GBF1: variants seen among roughly 807,000 people sequenced by gnomAD.
The protein encoded by GBF1 is Golgi-specific brefeldin A-resistance guanine nucleotide exchange factor 1.
In GBF1, 114 loss-of-function variants were observed where a neutral mutation model predicts 210.5. The ratio of observed to expected loss-of-function variants is 0.54; its 90% CI spans 0.47 to 0.63. The LOEUF is 0.63. Among genes scored for constraint, GBF1 ranks in the 30% least tolerant of loss-of-function variants. The pLI, the probability that GBF1 is intolerant of heterozygous loss-of-function variation, is 0.00. For synonymous variants in GBF1, 850 were observed against 889.2 expected (o/e 0.96, Z 0.78); for missense variants, 1,851 against 2,357.7 (o/e 0.79, Z 4.45).
intron 3 of GBF1, among the ~76,000 whole-genome samples, chr10:102,272,481 A>C (rs2074543455): frequency 6.6e-6 from 1 of 151,940 alleles, no homozygotes; most frequent in East Asian, 1.9e-4. Context: ...AAATACGTTA[A>C]TTTTTCTTTT....
intron 3 of GBF1, among the ~76,000 whole-genome samples, chr10:102,315,826 A>C (rs1701942709): frequency 6.6e-6 from 1 of 152,140 alleles, no homozygotes; most frequent in Admixed American, 6.5e-5. Flanking sequence ...AAAGCAAAGA[A>C]GCCTTGTCCC....
chr10:102,232,030 C>T, the GBF1 span: 3 of 1,607,860 alleles, frequency 1.9e-6, no homozygotes, highest in East Asian at 2.2e-5. Flanking sequence ...CGTCTGACAG[C>T]GACAGGGCAG....
intron 24 of GBF1, 26 bp downstream of exon 24, chr10:102,369,413 G>A: frequency 6.4e-7 from 1 of 1,568,602 alleles, no homozygotes; most frequent in African/African-American, 1.3e-5. Flanking sequence ...AGACTAGTGA[G>A]CGATAACAAG....
chr10:102,319,728 C>CTTT (rs546103797), intron 3 of GBF1, among the ~76,000 whole-genome samples: 7 of 133,230 alleles, frequency 5.3e-5, no homozygotes, highest in African/African-American at 1.1e-4. Context: ...CTTTTTCTTT[C>CTTT]TTTTTTTTTT....
intron 3 of GBF1, among the ~76,000 whole-genome samples, chr10:102,313,085 G>A (rs2078620521): frequency 6.6e-6 from 1 of 152,136 alleles, no homozygotes; most frequent in South Asian, 2.1e-4. Flanking sequence ...AGTTCTGAAT[G>A]GGAACTCCAG....
chr10:102,376,609 G>A lies in GBF1; in HGVS notation c.4097G>A (p.Gly1366Asp), dbSNP rs2060510916. Reference sequence around the variant, plus strand: ...TCCAAGCCAGGGCCCAGCCGCCCAGGCCCTTCACCCCTGATCAATCAATAC... The same window carrying A: ...TCCAAGCCAGGGCCCAGCCGCCCAGACCCTTCACCCCTGATCAATCAATAC... ...DNSKPGPSRP[G>D]PSPLINQYSL... Residue 1366 changes from glycine (G) to aspartate (D), a missense_variant, in exon 32 of 40, where the codon GGC becomes GAC. Physicochemically the swap from Gly to Asp is moderately conservative, Grantham distance 94 (BLOSUM62 -1). Around this residue, in one of 3 missense-constraint regions of GBF1, gnomAD observed 967 missense variants for 1,247.7 expected, o/e 0.78. Coordinates refer to ENST00000369983, the MANE Select transcript of GBF1 (RefSeq NM_001377137.1). The A allele has an allele frequency of 6.2e-7, 1 of 1,613,706 alleles. No individual in the cohort carries two copies. Among genetic ancestry groups the A allele is most frequent in the Non-Finnish European group, 8.5e-7 (1 of 1,179,766 alleles).
chr10:102,319,678 T>TATG (rs2056205643), intron 3 of GBF1, among the ~76,000 whole-genome samples: 1 of 151,896 alleles, frequency 6.6e-6, no homozygotes, highest in Non-Finnish European at 1.5e-5. Flanking sequence ...ATCTCCTTTT[T>TATG]CTTGTTTATG....
chr10:102,238,517 T>C, the GBF1 span, among the ~76,000 whole-genome samples: 5 of 152,214 alleles, frequency 3.3e-5, no homozygotes, highest in East Asian at 3.8e-4. Flanking sequence ...GGGTGGCCCG[T>C]CTGTCATTAA....
chr10:102,375,456 C>G lies in GBF1; in HGVS notation c.3758C>G (p.Thr1253Ser). ...TATGGGCTCCATGAACTCCTGAAGA[C>G]CAATGCAGCCAACATCCACTCAGGT... ...VAYGLHELLK[T>S]NAANIHSGDD... Residue 1253 changes from threonine (T) to serine (S), a missense_variant, in exon 30 of 40, where the codon ACC (threonine) becomes AGC (serine). Physicochemically the swap from Thr to Ser is moderately conservative, Grantham distance 58. This residue lies in a region of GBF1 where 967 missense variants were observed against 1,247.7 expected (regional missense o/e 0.78). Coordinates refer to ENST00000369983, the MANE Select transcript of GBF1 (RefSeq NM_001377137.1). The G allele has an allele frequency of 1.2e-6, 2 of 1,613,208 alleles. No individual in the cohort carries two copies. The highest frequency in any genetic ancestry group is 3.3e-5 in the Admixed American group (2 of 60,016).
chr10:102,257,677 C>T (rs1232264674), intron 1 of GBF1, among the ~76,000 whole-genome samples: 1 of 152,110 alleles, frequency 6.6e-6, no homozygotes, highest in Non-Finnish European at 1.5e-5. Flanking sequence ...CTTCCAACAA[C>T]CTTTATTCTT....
intron 1 of GBF1, among the ~76,000 whole-genome samples, chr10:102,252,584 C>T (rs2071702505): frequency 6.6e-6 from 1 of 152,118 alleles, no homozygotes. Context: ...TGGCCCACAC[C>T]TATAATCCCA....
intron 4 of GBF1, 110 bp from the exon 5 acceptor site, chr10:102,351,146 G>C (rs528326836): frequency 8.0e-6 from 5 of 625,486 alleles, no homozygotes; most frequent in African/African-American, 1.9e-5. Context: ...AAGGAGCCAC[G>C]GGTTAGGGAA....
At chr10:102,368,478 T>G (rs1223853196) in intron 22 of GBF1, 24 bp downstream of exon 22, 1 of 1,258,116 alleles carries the variant, frequency 7.9e-7, no homozygotes, top group South Asian at 1.2e-5. Flanking sequence ...GGCCTTGGTC[T>G]TCACCTCCCA....
rs561779525 is a variant in GBF1 at position 102,294,581 on chromosome 10, C to T, written c.163+34465C>T. On this transcript the variant is annotated intron_variant, in intron 3 of 39. Transcript: ENST00000369983. Reference sequence around the variant, plus strand: ...TATTTTTAGTAGAGATGGGGTTTCACCGTGTTAGCCAGGATGGTCTCGATT... The same window carrying T: ...TATTTTTAGTAGAGATGGGGTTTCATCGTGTTAGCCAGGATGGTCTCGATT... 4.6e-5 allele frequency among the ~76,000 whole-genome samples: 7 copies of T among 152,048 alleles called. No individual in the cohort carries two copies. In the South Asian group the frequency reaches 1.5e-3, roughly 32 times the overall value.
chr10:102,288,617 A>G (rs1434841470), intron 3 of GBF1, among the ~76,000 whole-genome samples: 2 of 149,796 alleles, frequency 1.3e-5, no homozygotes, highest in African/African-American at 4.9e-5. Flanking sequence ...AGGCTGAGGC[A>G]GGAGAATGGC....
rs777109884 is a variant in GBF1 at position 102,381,184 on chromosome 10, C to G, written c.5231C>G (p.Ser1744Cys). The G allele has an allele frequency of 6.2e-6, 10 of 1,613,934 alleles. No individual in the cohort carries two copies. The Admixed American group carries it at 8.3e-5, about 13-fold the overall frequency. The part of the protein sequence containing the change: ...QKPLASAHLT[S>C]AAGDTRTPGH... Reference sequence around the variant, plus strand: ...CCTCTCGCCTCAGCCCACCTGACTTCCGCTGCTGGCGACACTAGGACACCT... The same window carrying G: ...CCTCTCGCCTCAGCCCACCTGACTTGCGCTGCTGGCGACACTAGGACACCT... Residue 1744 changes from serine (S) to cysteine (C), a missense_variant, in exon 39 of 40, where the codon TCC becomes TGC. This residue lies in a region of GBF1 where 967 missense variants were observed against 1,247.7 expected (regional missense o/e 0.78). Transcript: ENST00000369983.
chr10:102,325,987 A>G (rs1299972219), intron 3 of GBF1, among the ~76,000 whole-genome samples: 1 of 152,180 alleles, frequency 6.6e-6, no homozygotes, highest in African/African-American at 2.4e-5. Flanking sequence ...CAGTGTTAGA[A>G]CTGAAATGAA....
chr10:102,309,411 G>A (rs1255033496), intron 3 of GBF1, among the ~76,000 whole-genome samples: 1 of 152,182 alleles, frequency 6.6e-6, no homozygotes, highest in Admixed American at 6.5e-5. Context: ...ATGAGTATAA[G>A]GTCACGAAAA....
the GBF1 span, chr10:102,232,026 A>T: frequency 1.9e-6 from 3 of 1,608,750 alleles, no homozygotes; most frequent in Admixed American, 1.7e-5. Flanking sequence ...CCAGCGTCTG[A>T]CAGCGACAGG....
Sources: gnomAD v4.1 joint callset for allele counts (sites outside exome capture counted in the v4.1 genomes callset) on GRCh38, gnomAD v4.1.1 for gene constraint, gnomAD v4.1.1 regional missense constraint, MANE v1.5 for transcripts, NCBI Gene and HGNC (gene_info 2026-07-23, HGNC 2026-07-21) for gene names.